The following FXR2 variants were observed in gnomAD, a reference collection of about 807,000 sequenced individuals.
The protein encoded by FXR2 is FMR1 autosomal homolog 2.
FXR2 carries 9 observed loss-of-function variants against 87.3 expected under a neutral mutation model. The ratio of observed to expected loss-of-function variants is 0.10; its 90% confidence interval spans 0.06 to 0.18. The LOEUF is 0.18. FXR2 is among the 10% of genes least tolerant of loss of function. The pLI, the probability that FXR2 is intolerant of heterozygous loss-of-function variation, is 1.00. For synonymous variants in FXR2, 331 were observed against 328.3 expected (o/e 1.01, Z -0.09); for missense variants, 661 against 893.6 (o/e 0.74, Z 3.32).
intron 7 of FXR2, among the ~76,000 whole-genome samples, chr17:7,598,189 G>A (rs1029819368): frequency 6.6e-6 from 1 of 152,050 alleles, no homozygotes; most frequent in African/African-American, 2.4e-5. Context: ...AGTGGCTCTC[G>A]CCTGTAATCC....
At position 7,594,013 on chromosome 17, in the gene FXR2, C is replaced by T. The variant is rs200426638; in HGVS notation, c.1021-9G>A. On this transcript the variant is annotated splice_polypyrimidine_tract_variant and intron_variant, in intron 10 of 16. Coordinates refer to ENST00000250113, the MANE Select transcript of FXR2 (RefSeq NM_004860.4). The surrounding 1 kb of genome is among the most constrained non-coding windows in gnomAD (Gnocchi z 5.1). ...ATGAAGGGAACCATTCCCTAGAGAA[C>T]AGAGAGCAGAAACGATGGATCAGAA... is the stretch of plus-strand genomic sequence containing the variant. 9.1e-6 allele frequency: 14 copies of T among 1,546,418 alleles called. No homozygotes were observed. In the East Asian group the frequency reaches 3.1e-4, roughly 35 times the overall value.
At chr17:7,611,007 G>C (rs2071859337) in intron 1 of FXR2, among the ~76,000 whole-genome samples, 1 of 152,210 alleles carries the variant, frequency 6.6e-6, no homozygotes, top group Non-Finnish European at 1.5e-5. Flanking sequence ...GGAACAGTCT[G>C]AGTAAAAACC....
Position 7,592,083 on chromosome 17 carries a change from A to G in FXR2, c.1927-158T>C. 1 of 1,450,842 alleles carries G rather than the reference A, an allele frequency of 6.9e-7. No individual in the cohort carries two copies. Among genetic ancestry groups the G allele is most frequent in the South Asian group, 1.5e-5 (1 of 68,672 alleles). The allele number at this position is 1,450,842 out of a possible 1,614,324, so 89.9% of individuals were successfully genotyped here. On this transcript the variant is annotated intron_variant, in intron 16 of 16. Transcript: ENST00000250113. The surrounding 1 kb of genome is among the most constrained non-coding windows in gnomAD (Gnocchi z 4.8). ...CAGTCTCTCTTACTTGGGATCCAGA[A>G]AATGTGAACCACACTTTCTTCTCTA...
intron 7 of FXR2, among the ~76,000 whole-genome samples, chr17:7,599,436 G>GA (rs1157977058): frequency 1.3e-5 from 2 of 152,140 alleles, no homozygotes. Flanking sequence ...CACAGGCACA[G>GA]AAAAAAGCCT....
At chr17:7,609,909 T>TATAC (rs2071835884) in intron 1 of FXR2, among the ~76,000 whole-genome samples, 1 of 140,704 alleles carries the variant, frequency 7.1e-6, no homozygotes, top group East Asian at 2.1e-4. Flanking sequence ...CATACATATA[T>TATAC]ATGTATATAT....
At chr17:7,614,180 G>A in intron 1 of FXR2, 3 of 659,204 alleles carry the variant, frequency 4.6e-6, no homozygotes, top group Non-Finnish European at 5.6e-6. Context: ...CCTGCGGAGC[G>A]GGGAGCGCCA....
In FXR2 at chr17:7,614,587, G is replaced by T; in HGVS notation, c.-55C>A. The T allele has an allele frequency of 8.4e-7, 1 of 1,191,476 alleles. No homozygotes were observed. The highest frequency in any genetic ancestry group is 1.1e-6 in the Non-Finnish European group (1 of 905,754). The allele number at this position is 1,191,476 out of a possible 1,614,324, so 73.8% of individuals were successfully genotyped here. ...CGGCGGCTGCAGCAGCAGTCTGAGT[G>T]CGGGCCGGGCCAGGCCCCCGGCGTC... On this transcript the variant is annotated 5_prime_UTR_variant, in exon 1 of 17. Transcript: ENST00000250113.
intron 7 of FXR2, among the ~76,000 whole-genome samples, 179 bp downstream of exon 7, chr17:7,601,230 T>C (rs544802507): frequency 1.7e-4 from 25 of 151,502 alleles, no homozygotes; most frequent in African/African-American, 6.1e-4. Flanking sequence ...ATAATTGCAC[T>C]ATACCATGAT....
In FXR2 at chr17:7,593,297, CT is replaced by C; in HGVS notation, c.1330+105del. The C allele has an allele frequency of 8.1e-7, 1 of 1,234,652 alleles. No homozygotes were observed. The highest frequency in any genetic ancestry group is 1.5e-5 in the South Asian group (1 of 66,768). The allele number at this position is 1,234,652 out of a possible 1,614,324, so 76.5% of individuals were successfully genotyped here. On this transcript the variant is annotated intron_variant, in intron 12 of 16. Coordinates refer to ENST00000250113, the MANE Select transcript of FXR2 (RefSeq NM_004860.4). The surrounding 1 kb of genome is among the most constrained non-coding windows in gnomAD (Gnocchi z 6.1). ...CACAAGCCTCCCAGCCAATCAATCA[CT>C]TTTTCATCATCTCCATTCCAGATTT...
At chr17:7,613,723 AG>A (rs1345698404) in intron 1 of FXR2, among the ~76,000 whole-genome samples, 2 of 152,200 alleles carry the variant, frequency 1.3e-5, no homozygotes, top group Non-Finnish European at 2.9e-5. Context: ...AATGACCTGA[AG>A]GTATCTGAGG....
chr17:7,603,183 T>C (rs1191654872), intron 5 of FXR2, among the ~76,000 whole-genome samples, 181 bp from the exon 6 acceptor site: 2 of 144,964 alleles, frequency 1.4e-5, no homozygotes, highest in African/African-American at 2.6e-5. Context: ...CCTGTCTCTA[T>C]TAAAAAAAAA....
At chr17:7,610,170 G>A (rs1389210026) in intron 1 of FXR2, among the ~76,000 whole-genome samples, 1 of 151,694 alleles carries the variant, frequency 6.6e-6, no homozygotes, top group East Asian at 1.9e-4. Context: ...GAGGCTGCAG[G>A]GTCGTCTGGA....
At position 7,595,976 on chromosome 17, in the gene FXR2, C is replaced by A. The variant is rs1395432727; in HGVS notation, c.679G>T (p.Ala227Ser). 6 of 1,613,182 alleles carry A rather than the reference C, an allele frequency of 3.7e-6. No homozygotes were observed. In the African/African-American group the frequency reaches 8.0e-5, roughly 22 times the overall value. ...ACTGTGAACTCCTCTTGGAAGGCTG[C>A]TGCCAACTGCTTGCTTGTCTGAAAG... ...KHLETSKQLA[A>S]AFQEEFTVRE... The change falls in exon 8 of 17, where the codon GCA becomes TCA. Residue 227 changes from alanine (A) to serine (S), a missense_variant. By Grantham distance (99) the Ala-to-Ser change is moderately conservative (BLOSUM62 1). This residue lies in a region of FXR2 where 82 missense variants were observed against 214.4 expected (regional missense o/e 0.38). Coordinates refer to ENST00000250113, the MANE Select transcript of FXR2 (RefSeq NM_004860.4). The surrounding 1 kb of genome is among the most constrained non-coding windows in gnomAD (Gnocchi z 4.7).
chr17:7,592,198 C>A lies in FXR2; in HGVS notation c.1926+56G>T, dbSNP rs1280222199. On this transcript the variant is annotated intron_variant, in intron 16 of 16. Coordinates refer to ENST00000250113, the MANE Select transcript of FXR2 (RefSeq NM_004860.4). This position sits in a 1 kb window ranked among gnomAD's most constrained non-coding sequence, Gnocchi z 4.8. ...AGATTTGTGAAATTTTTTGTGCCCC[C>A]TGCCCCAGAGTAACAACAAAAAAGG... is the stretch of plus-strand genomic sequence containing the variant. 5.8e-6 allele frequency: 9 copies of A among 1,546,252 alleles called. No individual in the cohort carries two copies. The highest frequency in any genetic ancestry group is 3.4e-4 in the Middle Eastern group (2 of 5,870).
intron 1 of FXR2, among the ~76,000 whole-genome samples, chr17:7,612,032 C>G (rs1037992030): frequency 6.6e-6 from 1 of 152,220 alleles, no homozygotes; most frequent in African/African-American, 2.4e-5. Flanking sequence ...AAGTCTATCA[C>G]TGCCACAGCA....
chr17:7,608,952 T>G (rs753557691), intron 1 of FXR2, among the ~76,000 whole-genome samples: 35 of 152,158 alleles, frequency 2.3e-4, no homozygotes, highest in Non-Finnish European at 4.3e-4. Flanking sequence ...CTGCAAAAAA[T>G]TTATAAATTA....
chr17:7,592,908 G>C lies in FXR2; in HGVS notation c.1529-14C>G. On this transcript the variant is annotated splice_polypyrimidine_tract_variant and intron_variant, in intron 13 of 16. Coordinates refer to ENST00000250113, the MANE Select transcript of FXR2 (RefSeq NM_004860.4). This position sits in a 1 kb window ranked among gnomAD's most constrained non-coding sequence, Gnocchi z 4.8. ...GATCCTTCAGCACTGGTCAGAGGAA[G>C]AAGAGGAGGAGTTGGCAGTCAGGTG... is the stretch of plus-strand genomic sequence containing the variant. The C allele has an allele frequency of 6.4e-7, 1 of 1,557,198 alleles. No homozygotes were observed. Among genetic ancestry groups the C allele is most frequent in the Non-Finnish European group, 8.7e-7 (1 of 1,151,322 alleles).
rs1426823835 is a variant in FXR2, at chr17:7,593,399, TCACCATAGGCAGGAC to T, written c.1319_1330+3del. On this transcript the variant is annotated splice_donor_variant and splice_donor_region_variant and coding_sequence_variant and intron_variant, in exon 12 of 17. Coordinates refer to ENST00000250113, the MANE Select transcript of FXR2 (RefSeq NM_004860.4). LOFTEE classifies it high-confidence loss of function. The surrounding 1 kb of genome is among the most constrained non-coding windows in gnomAD (Gnocchi z 6.1). ...CTTGCCTCCTGTTCCCATAACTGTC[TCACCATAGGCAGGAC>T]CGCCTGTCCTCCGGCCACGGCCACG... 6.4e-7 allele frequency: 1 copy of T among 1,559,304 alleles called. No individual in the cohort carries two copies. The highest frequency in any genetic ancestry group is 1.4e-5 in the African/African-American group (1 of 73,506).
chr17:7,614,231 A>G, intron 1 of FXR2: 1 of 686,778 alleles, frequency 1.5e-6, no homozygotes, highest in South Asian at 1.5e-5. Flanking sequence ...TCTCCCGGAG[A>G]TGGGGGTAGA....
Sources: gnomAD v4.1 joint callset for allele counts (sites outside exome capture counted in the v4.1 genomes callset) on GRCh38, gnomAD v4.1.1 for gene constraint, gnomAD v4.1.1 regional missense constraint, Gnocchi (gnomAD v3.1) non-coding constraint, MANE v1.5 for transcripts, NCBI Gene and HGNC (gene_info 2026-07-23, HGNC 2026-07-21) for gene names.